Variants in EML2 observed in about 807,000 individuals in gnomAD.
EML2 encodes the protein EMAP like 2, also known as echinoderm microtubule-associated protein-like 2.
Under a neutral mutation model 84.7 loss-of-function variants are expected in EML2, and 59 were observed. That is an observed-to-expected ratio of 0.70 (90% CI 0.56 to 0.86). The LOEUF (loss-of-function observed/expected upper bound fraction) is 0.86. EML2 is among the 40% of genes least tolerant of loss of function. The pLI is 0.00. For synonymous variants in EML2, 352 were observed against 348.9 expected, an observed-to-expected ratio of 1.01 and a Z score of -0.10; for missense variants, 818 against 855.6, an observed-to-expected ratio of 0.96 and a Z score of 0.55.
chr19:45,619,063 G>A lies in EML2; in HGVS notation c.1251C>T (p.Ile417=), dbSNP rs771187712. Reference sequence around the variant, plus strand: ...TTCCAGTCCCCGGGCCCCTTACCTCGATGATCCTGCTCCACAGGGGCTGGT... The same window carrying A: ...TTCCAGTCCCCGGGCCCCTTACCTCAATGATCCTGCTCCACAGGGGCTGGT... ...DSHQPLWSRI[I]EDPARSAGFH... is the part of the protein sequence containing the mutation. The change falls in exon 12 of 19, where the codon ATC becomes ATT. Residue 417 remains isoleucine, a synonymous_variant. Transcript: ENST00000245925. The A allele has an allele frequency of 1.2e-5, 19 of 1,608,642 alleles. No homozygotes were observed. Among genetic ancestry groups the A allele is most frequent in the East Asian group, 2.2e-5 (1 of 44,740 alleles).
chr19:45,622,640 G>A (rs1052712525), intron 9 of EML2, among the ~76,000 whole-genome samples: 1 of 152,012 alleles, frequency 6.6e-6, no homozygotes, highest in South Asian at 2.1e-4. Context: ...TATGTTGGCC[G>A]GGCTGGTCTC....
intron 15 of EML2, chr19:45,616,124 T>C (rs939042220): frequency 1.8e-6 from 1 of 569,246 alleles, no homozygotes; most frequent in African/African-American, 1.9e-5. Flanking sequence ...CAATGGGAGT[T>C]TAGAACAGGT....
Position 45,611,402 on chromosome 19 carries a change from A to G in EML2, c.1825-1614T>C, listed in dbSNP as rs1970478546. Among the ~76,000 whole-genome samples the G allele has an allele frequency of 2.6e-5, 4 of 151,604 alleles. No individual in the cohort carries two copies. In the South Asian group the frequency reaches 6.3e-4, roughly 24 times the overall value. On this transcript the variant is annotated intron_variant, in intron 18 of 18. Transcript: ENST00000245925. ...CTGCAGCCTGGGCAACAAGAGTGAA[A>G]CTCTGTCTCAAAAAAAAAAAAGAAG...
At chr19:45,615,604 C>T (rs1355022246) in intron 16 of EML2, among the ~76,000 whole-genome samples, 198 bp downstream of exon 16, 2 of 151,616 alleles carry the variant, frequency 1.3e-5, no homozygotes, top group Non-Finnish European at 2.9e-5. Flanking sequence ...ACCCATCCGA[C>T]CGGAAAGGGG....
chr19:45,639,201 G>T, intron 1 of EML2, 156 bp downstream of exon 1: 1 of 867,078 alleles, frequency 1.2e-6, no homozygotes, highest in Non-Finnish European at 1.7e-6. Flanking sequence ...AGTTCCCCCA[G>T]CACACCAAAC....
chr19:45,615,902 G>T lies in EML2; in HGVS notation c.1510-13C>A. 1.2e-6 allele frequency: 2 copies of T among 1,608,942 alleles called. No individual in the cohort carries two copies. Among genetic ancestry groups the T allele is most frequent in the Non-Finnish European group, 1.7e-6 (2 of 1,175,522 alleles). ...AACTGGAATGGCCCTGCGGGGGAGG[G>T]AAGGGATGGTGTTAGAGCTGCAGAG... On this transcript the variant is annotated splice_polypyrimidine_tract_variant and intron_variant, in intron 15 of 18. Coordinates refer to ENST00000245925, the MANE Select transcript of EML2 (RefSeq NM_012155.4).
At position 45,634,506 on chromosome 19, in the gene EML2, T is replaced by TTTG. The variant is rs756719184; in HGVS notation, c.180-38_180-36dup. 14 of 1,485,572 alleles carry TTTG rather than the reference T, an allele frequency of 9.4e-6. No individual in the cohort carries two copies. In the South Asian group the frequency reaches 9.8e-5, roughly 10 times the overall value. 92.0% of individuals were successfully genotyped at this position (1,485,572 alleles called of 1,614,324 possible). A position where few individuals can be genotyped will look rare whatever the true frequency, so the allele number is the denominator to read the frequency against. On this transcript the variant is annotated intron_variant, in intron 3 of 18. Coordinates refer to ENST00000245925, the MANE Select transcript of EML2 (RefSeq NM_012155.4). ...CCCAGGGGCTGGTTAAGGAATGTGT[T>TTTG]TTGTTGTTGTTGTTTGTTTGTTTTG...
At chr19:45,628,824 A>AAAGGAAGT (rs753607246) in intron 7 of EML2, 2 of 147,416 alleles carry the variant, frequency 1.4e-5, no homozygotes, top group African/African-American at 5.1e-5. Flanking sequence ...ACTCCGTCTC[A>AAAGGAAGT]AAGTAAGTAA....
At chr19:45,641,543 C>T (rs1276091758), upstream of EML2, 9 of 1,228,360 alleles carry the variant, frequency 7.3e-6, no homozygotes, top group African/African-American at 1.3e-4. Flanking sequence ...TAGCTGGCCC[C>T]ACTCTAGGTT....
rs188243744 is a variant in EML2, at chr19:45,621,200, G to T, written c.1122+7C>A. Reference sequence around the variant, plus strand: ...AGAGGGGAGGGGTGCAGAGGAGAGAGGCGCACCTGGACCAGCAGTGAGAAG... The same window carrying T: ...AGAGGGGAGGGGTGCAGAGGAGAGATGCGCACCTGGACCAGCAGTGAGAAG... On this transcript the variant is annotated splice_region_variant and intron_variant, in intron 11 of 18. Transcript: ENST00000245925. 409 of 1,613,228 alleles carry T rather than the reference G, an allele frequency of 2.5e-4. 1 individual carries two copies. In the East Asian group the frequency reaches 9.0e-3, roughly 35 times the overall value.
At chr19:45,645,490 G>A, upstream of EML2, 1 of 1,401,000 alleles carries the variant, frequency 7.1e-7, no homozygotes, top group Non-Finnish European at 9.2e-7. Flanking sequence ...GCCGGGCCCG[G>A]CGCTGGGGTC....
At chr19:45,632,666 C>T in intron 6 of EML2, 195 bp downstream of exon 6, 1 of 572,392 alleles carries the variant, frequency 1.7e-6, no homozygotes, top group Non-Finnish European at 3.1e-6. Flanking sequence ...TTTAAAATGC[C>T]TGAGAGGGCT....
chr19:45,624,346 T>C (rs1972055128), intron 9 of EML2, among the ~76,000 whole-genome samples: 1 of 152,148 alleles, frequency 6.6e-6, no homozygotes, highest in African/African-American at 2.4e-5. Flanking sequence ...ACACCTTCAT[T>C]CATTCCTTCA....
chr19:45,642,221 G>A (rs569323597), upstream of EML2: 373 of 1,535,338 alleles, frequency 2.4e-4, 5 homozygotes, highest in South Asian at 4.1e-3. Flanking sequence ...TCGCATGCCC[G>A]CAGGCGACGC....
intron 3 of EML2, among the ~76,000 whole-genome samples, chr19:45,634,806 C>T (rs1568480999): frequency 6.6e-6 from 1 of 151,668 alleles, no homozygotes; most frequent in Non-Finnish European, 1.5e-5. Flanking sequence ...TGTGATCCAC[C>T]CGCCTCGCCC....
At chr19:45,632,787 CG>C in intron 6 of EML2, 73 bp downstream of exon 6, 1 of 1,259,190 alleles carries the variant, frequency 7.9e-7, no homozygotes. Flanking sequence ...ACCCAAGGGG[CG>C]GGTGAAAAGG....
intron 15 of EML2, 84 bp from the exon 16 acceptor site, chr19:45,615,973 A>G (rs947818757): frequency 2.0e-6 from 2 of 997,264 alleles, no homozygotes; most frequent in African/African-American, 1.6e-5. Flanking sequence ...GGAAAGTGGA[A>G]GTCAAATACA....
chr19:45,641,558 C>T (rs1194774210), upstream of EML2: 82 of 1,384,142 alleles, frequency 5.9e-5, no homozygotes, highest in Non-Finnish European at 7.5e-5. Context: ...TAGGTTACGA[C>T]CTCGTGGCCT....
upstream of EML2, chr19:45,641,358 G>T: frequency 2.5e-6 from 1 of 404,202 alleles, no homozygotes; most frequent in Non-Finnish European, 4.6e-6. Context: ...TAATAACCAC[G>T]CCCATAAGCC....
Sources: gnomAD v4.1 joint callset for allele counts (sites outside exome capture counted in the v4.1 genomes callset) on GRCh38, gnomAD v4.1.1 for gene constraint, MANE v1.5 for transcripts, NCBI Gene and HGNC (gene_info 2026-07-23, HGNC 2026-07-21) for gene names.